The following ZNF804A variants were observed in gnomAD, a reference collection of about 807,000 sequenced individuals.
The protein encoded by ZNF804A is zinc finger protein 804A.
A neutral mutation model predicts 16.5 loss-of-function variants in ZNF804A; 2 were observed. That is an observed-to-expected ratio of 0.12 (90% confidence interval 0.05 to 0.38). The LOEUF is 0.38. ZNF804A is among the 10% of genes least tolerant of loss of function. ZNF804A has a pLI of 0.99. For synonymous variants in ZNF804A, 534 were observed against 489.6 expected (o/e 1.09, Z -1.20); for missense variants, 1,473 against 1,390.7 (o/e 1.06, Z -0.94).
Position 184,753,632 on chromosome 2 carries a change from T to A in ZNF804A, c.112-112737T>A, listed in dbSNP as rs917201227. Among the ~76,000 whole-genome samples the A allele has an allele frequency of 3.3e-5, 5 of 151,920 alleles. No homozygotes were observed. In the East Asian group the frequency reaches 5.8e-4, roughly 18 times the overall value. ...CTAGTGTTACCTGTAGCAGTAAAAA[T>A]GTGTTGTGGATTATTCACATGATAA... On this transcript the variant is annotated intron_variant, in intron 1 of 3. Coordinates refer to ENST00000302277, the MANE Select transcript of ZNF804A (RefSeq NM_194250.2).
At chr2:184,704,798 C>G (rs960408529) in intron 1 of ZNF804A, among the ~76,000 whole-genome samples, 1 of 152,254 alleles carries the variant, frequency 6.6e-6, no homozygotes, top group Non-Finnish European at 1.5e-5. Context: ...TGCATTGACA[C>G]TGGGAAGGAT....
chr2:184,785,662 A>G (rs952607577), intron 1 of ZNF804A, among the ~76,000 whole-genome samples: 1 of 152,042 alleles, frequency 6.6e-6, no homozygotes, highest in Admixed American at 6.6e-5. Flanking sequence ...CAAAAGACAT[A>G]TATAAATAAA....
intron 2 of ZNF804A, among the ~76,000 whole-genome samples, chr2:184,881,308 A>G (rs568865476): frequency 6.6e-6 from 1 of 151,790 alleles, no homozygotes; most frequent in East Asian, 1.9e-4. Context: ...CGTCCCTGAA[A>G]GACAGGTAGA....
At chr2:184,844,262 T>C (rs72905747) in intron 1 of ZNF804A, among the ~76,000 whole-genome samples, 7,632 of 152,100 alleles carry the variant, frequency 0.05, 248 homozygotes, top group Non-Finnish European at 0.075. Flanking sequence ...TATTATTGCT[T>C]AAAACAAAGT....
intron 2 of ZNF804A, among the ~76,000 whole-genome samples, chr2:184,920,156 GCTAT>G (rs1327255439): frequency 5.3e-5 from 8 of 151,950 alleles, no homozygotes; most frequent in Admixed American, 1.3e-4. Context: ...TAGTGCTGCA[GCTAT>G]CTATTTCAAA....
At position 184,926,283 on chromosome 2, in the gene ZNF804A, AATT is replaced by A. The variant is rs890466332; in HGVS notation, c.256-7319_256-7317del. On this transcript the variant is annotated intron_variant, in intron 2 of 3. Transcript: ENST00000302277. ...TAAGCAGGTTTACTATTCTAGGGTAAATTTTTTTTTTTTTCCTTAAGCACTTTA... is the reference window on the plus strand; with the variant it reads ...TAAGCAGGTTTACTATTCTAGGGTAATTTTTTTTTTTCCTTAAGCACTTTA... 9.5e-5 allele frequency among the ~76,000 whole-genome samples: 8 copies of A among 84,460 alleles called. No individual in the cohort carries two copies. In the South Asian group the frequency reaches 2.3e-3, roughly 24 times the overall value. 55.4% of individuals were successfully genotyped at this position (84,460 alleles called of 152,430 possible).
chr2:184,926,225 T>G (rs571551406), intron 2 of ZNF804A, among the ~76,000 whole-genome samples: 1 of 152,070 alleles, frequency 6.6e-6, no homozygotes, highest in Non-Finnish European at 1.5e-5. Context: ...ATTGGGAAAG[T>G]TGCTATTTCT....
At chr2:184,747,317 G>T (rs1693803746) in intron 1 of ZNF804A, among the ~76,000 whole-genome samples, 1 of 89,062 alleles carries the variant, frequency 1.1e-5, no homozygotes, top group African/African-American at 5.0e-5. Flanking sequence ...AATAAATCTT[G>T]CTGCAAAAAA....
At chr2:184,641,634 A>G (rs1043781824) in intron 1 of ZNF804A, among the ~76,000 whole-genome samples, 16 of 152,218 alleles carry the variant, frequency 1.1e-4, no homozygotes, top group Admixed American at 4.6e-4. Flanking sequence ...CATATATATC[A>G]TTGCACAAAA....
At chr2:184,731,242 G>A (rs746127510) in intron 1 of ZNF804A, among the ~76,000 whole-genome samples, 26 of 94,826 alleles carry the variant, frequency 2.7e-4, no homozygotes, top group Non-Finnish European at 4.4e-4. Flanking sequence ...CAAGAGCTAG[G>A]CTCCGTCGCA....
At chr2:184,839,653 A>G (rs980711622) in intron 1 of ZNF804A, among the ~76,000 whole-genome samples, 3 of 152,144 alleles carry the variant, frequency 2.0e-5, no homozygotes, top group Non-Finnish European at 4.4e-5. Context: ...TACACTTTAA[A>G]AAGTGTTCAG....
intron 1 of ZNF804A, among the ~76,000 whole-genome samples, chr2:184,692,040 G>C (rs1168272911): frequency 6.6e-6 from 1 of 152,100 alleles, no homozygotes; most frequent in Admixed American, 6.6e-5. Context: ...CCTACTAAAA[G>C]CTTGATATGT....
intron 2 of ZNF804A, among the ~76,000 whole-genome samples, chr2:184,898,786 G>A (rs1685130523): frequency 6.6e-6 from 1 of 151,832 alleles, no homozygotes; most frequent in African/African-American, 2.4e-5. Flanking sequence ...TTCTTCCAAA[G>A]AAGAAATATC....
chr2:184,654,117 T>G (rs546030705), intron 1 of ZNF804A, among the ~76,000 whole-genome samples: 1 of 152,346 alleles, frequency 6.6e-6, no homozygotes, highest in East Asian at 1.9e-4. Context: ...ACTAGCTACC[T>G]ACTCTAACAA....
At chr2:184,707,812 A>C (rs1429018690) in intron 1 of ZNF804A, among the ~76,000 whole-genome samples, 2 of 152,140 alleles carry the variant, frequency 1.3e-5, no homozygotes, top group African/African-American at 2.4e-5. Context: ...TATACCCAGT[A>C]ATAAGATTGC....
At chr2:184,734,055 C>G (rs1442668776) in intron 1 of ZNF804A, among the ~76,000 whole-genome samples, 1 of 151,528 alleles carries the variant, frequency 6.6e-6, no homozygotes, top group Admixed American at 6.6e-5. Context: ...TTAATTTGTT[C>G]CTCTTTTTCT....
chr2:184,848,109 G>A (rs998732773), intron 1 of ZNF804A, among the ~76,000 whole-genome samples: 3 of 151,918 alleles, frequency 2.0e-5, no homozygotes, highest in African/African-American at 7.2e-5. Context: ...AGAGGTTTGG[G>A]AGTGAGATCG....
intron 2 of ZNF804A, among the ~76,000 whole-genome samples, chr2:184,929,241 C>G (rs1462604736): frequency 6.6e-6 from 1 of 152,138 alleles, no homozygotes; most frequent in Non-Finnish European, 1.5e-5. Context: ...AATTGACTGA[C>G]TCCTCAATAT....
At chr2:184,674,474 C>T (rs1559123198) in intron 1 of ZNF804A, among the ~76,000 whole-genome samples, 2 of 151,634 alleles carry the variant, frequency 1.3e-5, no homozygotes, top group Non-Finnish European at 3.0e-5. Context: ...AACATAATGA[C>T]ATAGGGAATC....
Sources: allele counts gnomAD v4.1 joint callset (sites outside exome capture counted in the v4.1 genomes callset), GRCh38; gene constraint gnomAD v4.1.1; transcripts MANE v1.5; gene names NCBI Gene and HGNC (gene_info 2026-07-23, HGNC 2026-07-21).